The following SLC8A1 variants were observed in gnomAD, a reference collection of about 807,000 sequenced individuals.
SLC8A1 encodes sodium/calcium exchanger 1.
Under a neutral mutation model 68.3 loss-of-function variants are expected in SLC8A1, and 18 were observed. That is an observed-to-expected ratio of 0.26 (90% CI 0.18 to 0.39). The LOEUF (loss-of-function observed/expected upper bound fraction) is 0.39, where lower values mean the gene tolerates loss of function less well. Among genes scored for constraint, SLC8A1 ranks in the 10% least tolerant of loss-of-function variants. The pLI, the probability that SLC8A1 is intolerant of heterozygous loss-of-function variation, is 1.00. For missense variants in SLC8A1, 985 were observed against 1,156.7 expected (o/e 0.85, Z 2.15); for synonymous variants, 475 against 415.5 (o/e 1.14, Z -1.74).
At chr2:40,450,458 T>G (rs538245492) in intron 1 of SLC8A1, among the ~76,000 whole-genome samples, 1 of 152,240 alleles carries the variant, frequency 6.6e-6, no homozygotes, top group African/African-American at 2.4e-5. Context: ...TTGGGAAATC[T>G]TCGCACAAGT....
At chr2:40,316,821 G>T (rs1038964616) in intron 2 of SLC8A1, among the ~76,000 whole-genome samples, 8 of 151,934 alleles carry the variant, frequency 5.3e-5, no homozygotes, top group African/African-American at 1.7e-4. Flanking sequence ...GCATCTCAGA[G>T]TGCCCAACAT....
intron 2 of SLC8A1, among the ~76,000 whole-genome samples, chr2:40,338,249 C>G (rs1666623908): frequency 6.6e-6 from 1 of 152,164 alleles, no homozygotes; most frequent in South Asian, 2.1e-4. Context: ...CCTGGACATC[C>G]TGCCTGTAAG....
intron 2 of SLC8A1, among the ~76,000 whole-genome samples, chr2:40,343,098 T>TA (rs1160935412): frequency 5.3e-5 from 8 of 151,968 alleles, no homozygotes; most frequent in South Asian, 2.1e-4. Context: ...GATATTCTAT[T>TA]AAAAAAAGGA....
At chr2:40,367,229 C>A (rs1676518963) in intron 2 of SLC8A1, among the ~76,000 whole-genome samples, 1 of 152,004 alleles carries the variant, frequency 6.6e-6, no homozygotes, top group Non-Finnish European at 1.5e-5. Flanking sequence ...TGTTCTGCCT[C>A]CTAGTCTCTG....
chr2:40,150,117 G>C (rs2043152886), intron 6 of SLC8A1, among the ~76,000 whole-genome samples: 1 of 151,288 alleles, frequency 6.6e-6, no homozygotes, highest in Non-Finnish European at 1.5e-5. Flanking sequence ...CTCGGGGCCA[G>C]GATTCTAAGA....
chr2:40,307,146 T>TACACACACACACACACACACAC (rs144335092), intron 2 of SLC8A1, among the ~76,000 whole-genome samples: 28 of 148,286 alleles, frequency 1.9e-4, no homozygotes, highest in Non-Finnish European at 3.7e-4. Context: ...AAATGTGATA[T>TACACACACACACACACACACAC]ACACACACAC....
At chr2:40,166,076 A>AAGAC (rs1451362187) in intron 4 of SLC8A1, among the ~76,000 whole-genome samples, 1 of 152,170 alleles carries the variant, frequency 6.6e-6, no homozygotes, top group African/African-American at 2.4e-5. Context: ...GTTGACTAAA[A>AAGAC]AGACATGCAA....
intron 1 of SLC8A1, among the ~76,000 whole-genome samples, chr2:40,501,931 G>A (rs1706083220): frequency 1.3e-5 from 2 of 152,000 alleles, no homozygotes; most frequent in Non-Finnish European, 1.5e-5. Flanking sequence ...CTACTCAGAT[G>A]TACTCTGCAC....
At chr2:40,380,242 C>G (rs1575868979) in intron 2 of SLC8A1, among the ~76,000 whole-genome samples, 1 of 152,228 alleles carries the variant, frequency 6.6e-6, no homozygotes, top group East Asian at 1.9e-4. Flanking sequence ...CCAGGCCATG[C>G]TGATAGACAG....
intron 6 of SLC8A1, among the ~76,000 whole-genome samples, chr2:40,156,343 G>GAT (rs148234990): frequency 2.8e-3 from 414 of 148,012 alleles, no homozygotes; most frequent in Middle Eastern, 0.018. Flanking sequence ...GTAAGAGACA[G>GAT]AACCAAAACT....
chr2:40,461,526 C>G (rs1240205822), intron 1 of SLC8A1, among the ~76,000 whole-genome samples: 1 of 152,076 alleles, frequency 6.6e-6, no homozygotes, highest in Non-Finnish European at 1.5e-5. Flanking sequence ...AAACCCTTGC[C>G]CACTCCGCGC....
chr2:40,441,034 T>C (rs11695968), intron 1 of SLC8A1, among the ~76,000 whole-genome samples: 1 of 152,116 alleles, frequency 6.6e-6, no homozygotes, highest in Admixed American at 6.6e-5. Flanking sequence ...AAAACCCCAG[T>C]GTCTCAGCCC....
At chr2:40,289,946 G>T (rs1256881404) in intron 2 of SLC8A1, among the ~76,000 whole-genome samples, 1 of 152,074 alleles carries the variant, frequency 6.6e-6, no homozygotes, top group African/African-American at 2.4e-5. Flanking sequence ...GGGAGATGAG[G>T]AAGTAGATTA....
At chr2:40,338,776 G>C (rs1343641698) in intron 2 of SLC8A1, among the ~76,000 whole-genome samples, 1 of 152,164 alleles carries the variant, frequency 6.6e-6, no homozygotes, top group Non-Finnish European at 1.5e-5. Flanking sequence ...TTTCCTAATA[G>C]ATCCTGAAAG....
chr2:40,445,699 T>C (rs1701311359), intron 1 of SLC8A1, among the ~76,000 whole-genome samples: 1 of 152,186 alleles, frequency 6.6e-6, no homozygotes, highest in African/African-American at 2.4e-5. Context: ...GACAGCTAGC[T>C]GCATGTCCAG....
chr2:40,201,264 C>G (rs1346232945), intron 2 of SLC8A1, among the ~76,000 whole-genome samples: 1 of 151,874 alleles, frequency 6.6e-6, no homozygotes, highest in Non-Finnish European at 1.5e-5. Context: ...CTTATGTTTT[C>G]AATTTCTTGT....
chr2:40,336,032 C>T (rs1186809346), intron 2 of SLC8A1, among the ~76,000 whole-genome samples: 1 of 152,172 alleles, frequency 6.6e-6, no homozygotes, highest in Non-Finnish European at 1.5e-5. Context: ...ACAAGGCAGA[C>T]AAGATAGGGT....
intron 6 of SLC8A1, among the ~76,000 whole-genome samples, chr2:40,145,770 G>A (rs529799731): frequency 1.3e-5 from 2 of 152,348 alleles, no homozygotes; most frequent in South Asian, 2.1e-4. Flanking sequence ...AAGTGTGTAT[G>A]CATGTGTATG....
intron 2 of SLC8A1, among the ~76,000 whole-genome samples, chr2:40,301,273 C>G (rs2071404303): frequency 6.6e-6 from 1 of 152,168 alleles, no homozygotes. Context: ...TAAGTCCCAT[C>G]TTAGACATAA....
Sources: allele counts gnomAD v4.1 joint callset (sites outside exome capture counted in the v4.1 genomes callset), GRCh38; gene constraint gnomAD v4.1.1; transcripts MANE v1.5; gene names NCBI Gene and HGNC (gene_info 2026-07-23, HGNC 2026-07-21).